Variants in CADM2 observed in about 807,000 individuals in gnomAD.
CADM2 encodes cell adhesion molecule 2, also known as immunoglobulin superfamily member 4D.
In CADM2, 12 loss-of-function variants were observed where a neutral mutation model predicts 49.8. The ratio of observed to expected loss-of-function variants is 0.24; its 90% CI spans 0.15 to 0.39. The LOEUF (loss-of-function observed/expected upper bound fraction) is 0.39, where lower values mean the gene tolerates loss of function less well. Among genes scored for constraint, CADM2 ranks in the 10% least tolerant of loss-of-function variants. The pLI is 1.00. For missense variants in CADM2, 378 were observed against 492.3 expected (o/e 0.77, Z 2.20); for synonymous variants, 214 against 175.4 (o/e 1.22, Z -1.74).
chr3:85,192,510 C>A (rs1340245741), intron 1 of CADM2, among the ~76,000 whole-genome samples: 2 of 151,098 alleles, frequency 1.3e-5, no homozygotes, highest in Non-Finnish European at 3.0e-5. Flanking sequence ...GGTGAGATAC[C>A]AAGAAGTGGA....
chr3:85,907,779 C>A (rs1402747998), intron 5 of CADM2, among the ~76,000 whole-genome samples: 1 of 151,926 alleles, frequency 6.6e-6, no homozygotes, highest in Non-Finnish European at 1.5e-5. Context: ...AGTGTTTTGG[C>A]ATACACCTGT....
intron 1 of CADM2, among the ~76,000 whole-genome samples, chr3:85,137,013 T>C (rs551080771): frequency 3.7e-4 from 57 of 152,002 alleles, no homozygotes; most frequent in African/African-American, 1.3e-3. Context: ...TATAAAGATA[T>C]TTTTCCTTCA....
chr3:85,692,746 T>G (rs1240020975), intron 1 of CADM2, among the ~76,000 whole-genome samples: 2 of 152,212 alleles, frequency 1.3e-5, no homozygotes, highest in Non-Finnish European at 2.9e-5. Flanking sequence ...TTTCAAAGAC[T>G]AGAGGTCATT....
intron 1 of CADM2, among the ~76,000 whole-genome samples, chr3:85,487,345 T>A (rs1406834952): frequency 6.6e-6 from 1 of 152,086 alleles, no homozygotes. Context: ...AACACATCCA[T>A]CTCTAGAAAA....
chr3:85,425,603 CCTAT>C (rs761711967), intron 1 of CADM2, among the ~76,000 whole-genome samples: 1 of 152,152 alleles, frequency 6.6e-6, no homozygotes, highest in Non-Finnish European at 1.5e-5. Flanking sequence ...ACTTATTCCA[CCTAT>C]CTATCTATAA....
intron 7 of CADM2, among the ~76,000 whole-genome samples, chr3:85,943,856 T>C (rs1401983486): frequency 6.6e-6 from 1 of 152,062 alleles, no homozygotes; most frequent in African/African-American, 2.4e-5. Context: ...AAGTAGAAAC[T>C]GCATCAACTA....
chr3:86,013,329 G>C (rs1201764859), intron 8 of CADM2: 1 of 1,544,954 alleles, frequency 6.5e-7, no homozygotes, highest in Non-Finnish European at 8.9e-7. Context: ...GGAAAACAAA[G>C]AATACCTAAA....
At chr3:85,534,080 CT>C (rs770240705) in intron 1 of CADM2, among the ~76,000 whole-genome samples, 6 of 152,038 alleles carry the variant, frequency 3.9e-5, no homozygotes, top group Non-Finnish European at 4.4e-5. Flanking sequence ...TGATATTTTC[CT>C]TTTTGTATTC....
intron 3 of CADM2, among the ~76,000 whole-genome samples, chr3:85,879,777 A>G (rs1298030093): frequency 6.6e-6 from 1 of 152,186 alleles, no homozygotes; most frequent in Non-Finnish European, 1.5e-5. Flanking sequence ...ACAACGAGGA[A>G]ATTGACACCG....
chr3:85,673,517 A>G (rs1162190336), intron 1 of CADM2, among the ~76,000 whole-genome samples: 1 of 151,888 alleles, frequency 6.6e-6, no homozygotes, highest in Non-Finnish European at 1.5e-5. Flanking sequence ...CCTGCCCAAA[A>G]AAGCCAAAAT....
At chr3:85,245,428 C>T (rs1426298387) in intron 1 of CADM2, among the ~76,000 whole-genome samples, 5 of 151,458 alleles carry the variant, frequency 3.3e-5, no homozygotes, top group East Asian at 1.9e-4. Context: ...AGGAGAATGG[C>T]GGGAACCCGG....
chr3:85,623,237 C>T (rs1367752173), intron 1 of CADM2, among the ~76,000 whole-genome samples: 1 of 152,132 alleles, frequency 6.6e-6, no homozygotes, highest in Non-Finnish European at 1.5e-5. Context: ...AGCATCATTA[C>T]TCATTTTCTA....
At chr3:85,685,461 G>C (rs1355703772) in intron 1 of CADM2, among the ~76,000 whole-genome samples, 1 of 152,146 alleles carries the variant, frequency 6.6e-6, no homozygotes, top group Non-Finnish European at 1.5e-5. Context: ...TATGTATTGT[G>C]TGGGGGCAGA....
chr3:85,280,219 A>C (rs1054079418), intron 1 of CADM2, among the ~76,000 whole-genome samples: 1 of 151,548 alleles, frequency 6.6e-6, no homozygotes, highest in Non-Finnish European at 1.5e-5. Flanking sequence ...AATTCACTCT[A>C]TTTTTATTGT....
chr3:85,696,661 T>C (rs1034682237), intron 1 of CADM2, among the ~76,000 whole-genome samples: 2 of 152,074 alleles, frequency 1.3e-5, no homozygotes, highest in African/African-American at 4.8e-5. Flanking sequence ...GAAATATTTT[T>C]ATTAGGAGGT....
intron 1 of CADM2, among the ~76,000 whole-genome samples, chr3:85,094,156 G>C (rs114226996): frequency 0.028 from 4,228 of 152,086 alleles, 78 homozygotes; most frequent in Non-Finnish European, 0.047. Flanking sequence ...GAAAAGACTA[G>C]AATATGTTTG....
chr3:85,244,313 ACCT>A (rs1422701961), intron 1 of CADM2, among the ~76,000 whole-genome samples: 2 of 152,018 alleles, frequency 1.3e-5, no homozygotes, highest in Non-Finnish European at 2.9e-5. Context: ...TTTGAATAAA[ACCT>A]CAGCCAAAAA....
chr3:85,795,940 A>T (rs2071594538), intron 2 of CADM2, among the ~76,000 whole-genome samples: 1 of 152,214 alleles, frequency 6.6e-6, no homozygotes, highest in Admixed American at 6.5e-5. Context: ...TTCACCATGG[A>T]AAAATCACTT....
intron 1 of CADM2, among the ~76,000 whole-genome samples, chr3:85,454,125 C>T (rs999490421): frequency 3.3e-5 from 5 of 151,990 alleles, no homozygotes; most frequent in Admixed American, 6.6e-5. Flanking sequence ...GAGGCCGAGA[C>T]GGGCAGATCA....
Sources: allele counts gnomAD v4.1 joint callset (sites outside exome capture counted in the v4.1 genomes callset), GRCh38; gene constraint gnomAD v4.1.1; transcripts MANE v1.5; gene names NCBI Gene and HGNC (gene_info 2026-07-23, HGNC 2026-07-21).